PSME4: variants seen among roughly 807,000 people sequenced by gnomAD.
The protein encoded by PSME4 is proteasome activator subunit 4.
In PSME4, 89 loss-of-function variants were observed where a neutral mutation model predicts 253.9. That is an observed-to-expected ratio of 0.35 (90% CI 0.30 to 0.42). The LOEUF is 0.42. Ranked by LOEUF, PSME4 falls within the 10% of genes least tolerant of loss-of-function variation. The pLI is 1.00. For missense variants in PSME4, 2,014 were observed against 2,195.2 expected, an observed-to-expected ratio of 0.92 and a Z score of 1.65; for synonymous variants, 851 against 759.2, an observed-to-expected ratio of 1.12 and a Z score of -1.99.
In PSME4 at chr2:53,899,955, G is replaced by T; in HGVS notation, c.3348C>A (p.Asn1116Lys). 1 of 1,613,244 alleles carries T rather than the reference G, an allele frequency of 6.2e-7. No homozygotes were observed. Among genetic ancestry groups the T allele is most frequent in the Non-Finnish European group, 8.5e-7 (1 of 1,179,326 alleles). Reference protein sequence around the residue: ...LLQQSKNPSINQILLSPEKIK... With the variant: ...LLQQSKNPSIKQILLSPEKIK... The stretch of plus-strand genomic sequence containing the variant: ...TTTTTTCTGGGCTAAGCAATATCTG[G>T]TTGATAGAGGGGTTTTTTGACTGTT... The change falls in exon 29 of 47, where the codon AAC (asparagine) becomes AAA (lysine). Residue 1116 changes from asparagine to lysine, a missense_variant. Coordinates refer to ENST00000404125, the MANE Select transcript of PSME4 (RefSeq NM_014614.3).
At chr2:53,900,715 A>G (rs1018933228) in intron 28 of PSME4, among the ~76,000 whole-genome samples, 1 of 152,212 alleles carries the variant, frequency 6.6e-6, no homozygotes, top group Non-Finnish European at 1.5e-5. Context: ...AGTCGCAAAT[A>G]GCAACCCTAT....
chr2:53,877,247 CAAAAAAAA>C (rs1204678801), intron 41 of PSME4, among the ~76,000 whole-genome samples: 11 of 50,402 alleles, frequency 2.2e-4, no homozygotes, highest in African/African-American at 5.6e-4. Flanking sequence ...CCTGCCTCTA[CAAAAAAAA>C]AAAAAAAAAA....
chr2:53,893,766 G>A lies in PSME4; in HGVS notation c.3946C>T (p.Pro1316Ser). The A allele has an allele frequency of 2.5e-6, 4 of 1,609,390 alleles. No homozygotes were observed. Among genetic ancestry groups the A allele is most frequent in the Non-Finnish European group, 3.4e-6 (4 of 1,177,808 alleles). The change falls in exon 35 of 47, where the codon CCT (proline) becomes TCT (serine). Residue 1316 changes from proline (P) to serine (S), a missense_variant. Physicochemically the swap from Pro to Ser is moderately conservative, Grantham distance 74. Around this residue, in one of 4 missense-constraint regions of PSME4, gnomAD observed 989 missense variants for 1,021.1 expected, o/e 0.97. Coordinates refer to ENST00000404125, the MANE Select transcript of PSME4 (RefSeq NM_014614.3). ...GTAATTAACTGCTCAACAAATTTAG[G>A]ATCAGAAAAATGATCAAATATAATC... ...EQIIFDHFSD[P>S]KFVEQLITFL...
chr2:53,944,408 C>T (rs942998483), intron 3 of PSME4, among the ~76,000 whole-genome samples: 10 of 152,186 alleles, frequency 6.6e-5, no homozygotes, highest in African/African-American at 2.4e-4. Context: ...GATCCATCTA[C>T]CTCAGCTTCC....
chr2:53,970,478 C>T (rs1265872366), intron 1 of PSME4, 65 bp downstream of exon 1: 4 of 1,544,848 alleles, frequency 2.6e-6, no homozygotes, highest in African/African-American at 1.4e-5. Flanking sequence ...CAAAGAGCAA[C>T]CATCCCCGAC....
At chr2:53,904,225 A>T in intron 26 of PSME4, 69 bp from the exon 27 acceptor site, 1 of 1,400,080 alleles carries the variant, frequency 7.1e-7, no homozygotes, top group Non-Finnish European at 9.7e-7. Flanking sequence ...AAAACAAATT[A>T]TCAAAAACAG....
rs1678760888 is a variant in PSME4, at chr2:53,869,483, G to C, written c.5156C>G (p.Thr1719Ser). 6.3e-6 allele frequency: 10 copies of C among 1,594,400 alleles called. No homozygotes were observed. The highest frequency in any genetic ancestry group is 7.7e-6 in the Non-Finnish European group (9 of 1,166,184). ...LSGLLQCNFL[T>S]MDSPMQIHFE... ...ATGAATCTGCATAGGACTGTCCATG[G>C]TAAGAAAGTTACACTGTAGCAGACC... Residue 1719 changes from threonine (T) to serine (S), a missense_variant, in exon 44 of 47, where the codon ACC becomes AGC. Thr to Ser is a moderately conservative substitution (Grantham distance 58, BLOSUM62 1). This residue lies in a region of PSME4 where 403 missense variants were observed against 556.1 expected (regional missense o/e 0.72). Transcript: ENST00000404125.
rs1315689791 is a variant in PSME4, at chr2:53,893,809, T to TA, written c.3913-11dup. On this transcript the variant is annotated splice_polypyrimidine_tract_variant and intron_variant, in intron 34 of 46. Coordinates refer to ENST00000404125, the MANE Select transcript of PSME4 (RefSeq NM_014614.3). Reference sequence around the variant, plus strand: ...ATATAATCTGTTCTGCCTATAAAGTTAAAAAAAGAACAATATTCAGCGTTT... The same window carrying TA: ...ATATAATCTGTTCTGCCTATAAAGTTAAAAAAAAGAACAATATTCAGCGTTT... 3 of 1,577,394 alleles carry TA rather than the reference T, an allele frequency of 1.9e-6. No individual in the cohort carries two copies. Among genetic ancestry groups the TA allele is most frequent in the Admixed American group, 2.0e-5 (1 of 50,094 alleles).
At chr2:53,915,771 A>C (rs1019710279) in intron 20 of PSME4, among the ~76,000 whole-genome samples, 2 of 152,106 alleles carry the variant, frequency 1.3e-5, no homozygotes, top group African/African-American at 2.4e-5. Flanking sequence ...TAAATGTTTA[A>C]AAAAAAGAAT....
chr2:53,902,202 T>C (rs1680434430), intron 27 of PSME4, among the ~76,000 whole-genome samples: 1 of 152,258 alleles, frequency 6.6e-6, no homozygotes, highest in Non-Finnish European at 1.5e-5. Context: ...TGTGTCACTC[T>C]TAAAATTTTA....
chr2:53,873,441 C>T (rs1012809695), intron 43 of PSME4, among the ~76,000 whole-genome samples: 4 of 151,998 alleles, frequency 2.6e-5, no homozygotes, highest in African/African-American at 4.8e-5. Context: ...TACTACAAGA[C>T]AAAACTATGA....
rs1011934859 is a variant in PSME4 at position 53,864,435 on chromosome 2, A to C, written c.*1143T>G. ...GACATTCTAATGATAAGTGAACTGA[A>C]AAAAAAAAAACCCCACATCTCAGTT... On this transcript the variant is annotated 3_prime_UTR_variant, in exon 47 of 47. Transcript: ENST00000404125. The C allele has an allele frequency of 1.3e-5, 1 of 75,132 alleles. No homozygotes were observed. 4.7% of individuals were successfully genotyped at this position (75,132 alleles called of 1,614,324 possible).
chr2:53,866,359 C>A, intron 45 of PSME4, 136 bp from the exon 46 acceptor site: 3 of 921,206 alleles, frequency 3.3e-6, no homozygotes, highest in Non-Finnish European at 4.8e-6. Context: ...ACCAAAAAGC[C>A]AATGAGAAGG....
chr2:53,896,933 T>G (rs201162393), intron 31 of PSME4, 48 bp from the exon 32 acceptor site: 2 of 1,367,430 alleles, frequency 1.5e-6, no homozygotes, highest in African/African-American at 1.4e-5. Flanking sequence ...TTTAAATCAC[T>G]TAACTGGTTG....
chr2:53,932,621 T>G, intron 9 of PSME4, 47 bp downstream of exon 9: 2 of 1,464,174 alleles, frequency 1.4e-6, no homozygotes, highest in Non-Finnish European at 1.9e-6. Context: ...AGGATGACCA[T>G]ATCTTTAAAA....
chr2:53,962,891 T>C (rs1361266984), intron 1 of PSME4, among the ~76,000 whole-genome samples: 1 of 151,620 alleles, frequency 6.6e-6, no homozygotes, highest in African/African-American at 2.4e-5. Context: ...GCACCTGTAG[T>C]CCCAGCTACG....
chr2:53,965,385 C>T (rs183965344), intron 1 of PSME4, among the ~76,000 whole-genome samples: 51 of 151,996 alleles, frequency 3.4e-4, no homozygotes, highest in African/African-American at 1.2e-3. Context: ...GCGAGTGCCA[C>T]CATACCAGCC....
intron 20 of PSME4, among the ~76,000 whole-genome samples, chr2:53,916,110 G>C (rs1036760493): frequency 2.6e-5 from 4 of 151,922 alleles, no homozygotes; most frequent in African/African-American, 9.7e-5. Flanking sequence ...AGCTGCGTGT[G>C]GGGGCGGATG....
intron 34 of PSME4, among the ~76,000 whole-genome samples, chr2:53,894,268 CT>C (rs1034187387): frequency 2.0e-5 from 3 of 152,074 alleles, no homozygotes; most frequent in African/African-American, 4.8e-5. Flanking sequence ...TCTCAACTTT[CT>C]TTTTTTTCTT....
Sources: gnomAD v4.1 joint callset for allele counts (sites outside exome capture counted in the v4.1 genomes callset) on GRCh38, gnomAD v4.1.1 for gene constraint, gnomAD v4.1.1 regional missense constraint, MANE v1.5 for transcripts, NCBI Gene and HGNC (gene_info 2026-07-23, HGNC 2026-07-21) for gene names.